Variants in CLEC20A observed in about 807,000 individuals in gnomAD.
CLEC20A encodes the protein putative C-type lectin domain family 20 member A.
At chr1:178,487,728 C>G (rs559170918) in intron 5 of CLEC20A, among the ~76,000 whole-genome samples, 23 of 152,320 alleles carry the variant, frequency 1.5e-4, no homozygotes, top group African/African-American at 4.1e-4. Flanking sequence ...TGTGCCTGGG[C>G]TAGCACAGGA....
chr1:178,489,507 G>T (rs553444741), intron 4 of CLEC20A, among the ~76,000 whole-genome samples: 2 of 152,214 alleles, frequency 1.3e-5, no homozygotes, highest in East Asian at 3.9e-4. Context: ...GCAGAAGGAC[G>T]CCCATCACAC....
chr1:178,482,573 TTAG>T (rs1443054114), intron 6 of CLEC20A, 176 bp from the exon 7 acceptor site: 4 of 392,838 alleles, frequency 1.0e-5, no homozygotes, highest in African/African-American at 8.2e-5. Flanking sequence ...GGTTAACCAA[TTAG>T]TGGCTGAAAA....
chr1:178,487,849 T>C (rs1284470538), intron 5 of CLEC20A, among the ~76,000 whole-genome samples: 1 of 152,234 alleles, frequency 6.6e-6, no homozygotes, highest in African/African-American at 2.4e-5. Flanking sequence ...TTGTGTGATA[T>C]AGGAATCTGT....
chr1:178,480,061 G>A (rs425120), intron 7 of CLEC20A: 3 of 148,184 alleles, frequency 2.0e-5, no homozygotes, highest in Admixed American at 1.4e-4. Flanking sequence ...CAGGGGGTAA[G>A]AAACACTAGT....
chr1:178,487,701 A>T (rs1649182450), intron 5 of CLEC20A, among the ~76,000 whole-genome samples: 1 of 152,156 alleles, frequency 6.6e-6, no homozygotes, highest in Non-Finnish European at 1.5e-5. Context: ...TGTGTCCCCA[A>T]AATCTTGCCT....
At chr1:178,485,901 G>A (rs1211762451) in intron 5 of CLEC20A, among the ~76,000 whole-genome samples, 3 of 152,188 alleles carry the variant, frequency 2.0e-5, no homozygotes, top group East Asian at 3.8e-4. Flanking sequence ...CATCTATTAA[G>A]GAGAGAGGTG....
At chr1:178,495,001 G>A (rs570936312) in intron 1 of CLEC20A, among the ~76,000 whole-genome samples, 191 bp from the exon 2 acceptor site, 3 of 152,196 alleles carry the variant, frequency 2.0e-5, no homozygotes, top group Admixed American at 6.5e-5. Context: ...TTCTTGAAGA[G>A]CCGGCCACCT....
exon 6 of CLEC20A, chr1:178,483,237 G>A (rs1329290205): frequency 2.5e-6 from 1 of 398,592 alleles, no homozygotes; most frequent in South Asian, 1.3e-4. Flanking sequence ...CTCCGTGGCA[G>A]CAGCTGTATC....
chr1:178,482,425 G>A (rs187243302), intron 6 of CLEC20A, 28 bp from the exon 7 acceptor site: 23 of 398,488 alleles, frequency 5.8e-5, no homozygotes, highest in Non-Finnish European at 8.4e-5. Flanking sequence ...ACCTGTTCAG[G>A]GGGATATTAT....
At chr1:178,489,728 C>G (rs1649229128) in intron 4 of CLEC20A, among the ~76,000 whole-genome samples, 1 of 152,218 alleles carries the variant, frequency 6.6e-6, no homozygotes, top group Non-Finnish European at 1.5e-5. Flanking sequence ...GAAAAGGAGG[C>G]TCCGAGATGC....
At chr1:178,488,854 A>C (rs1358092934) in intron 4 of CLEC20A, among the ~76,000 whole-genome samples, 7 of 152,170 alleles carry the variant, frequency 4.6e-5, no homozygotes, top group Non-Finnish European at 1.0e-4. Context: ...ATCAAATCCA[A>C]AACACAAAAA....
At chr1:178,491,079 T>A (rs1649255833) in intron 3 of CLEC20A, among the ~76,000 whole-genome samples, 1 of 152,198 alleles carries the variant, frequency 6.6e-6, no homozygotes, top group Admixed American at 6.5e-5. Flanking sequence ...CCTTGCCTTC[T>A]GGGGAGCCCA....
intron 7 of CLEC20A, chr1:178,480,763 CAG>C (rs1648949930): frequency 6.6e-6 from 1 of 151,266 alleles, no homozygotes; most frequent in Non-Finnish European, 1.5e-5. Flanking sequence ...GCCTGGGCGA[CAG>C]AGCAAGACTC....
At chr1:178,492,904 G>C (rs1224635160) in intron 2 of CLEC20A, among the ~76,000 whole-genome samples, 2 of 152,234 alleles carry the variant, frequency 1.3e-5, no homozygotes, top group African/African-American at 4.8e-5. Flanking sequence ...AATTCATGTG[G>C]CTGGGACAGG....
chr1:178,484,985 A>C (rs2101864187), intron 5 of CLEC20A, among the ~76,000 whole-genome samples: 1 of 152,312 alleles, frequency 6.6e-6, no homozygotes, highest in Admixed American at 6.5e-5. Flanking sequence ...CACCCAAAGC[A>C]TCATAAATTT....
rs572092328 is a variant in CLEC20A, at chr1:178,485,983, A to G, written c.928+2518T>C. Among the ~76,000 whole-genome samples, 6 of 152,344 alleles carry G rather than the reference A, an allele frequency of 3.9e-5. 1 individual carries two copies. In the South Asian group the frequency reaches 1.2e-3, roughly 32 times the overall value. Reference sequence around the variant, plus strand: ...AAATGGTAATAACTACCATTTATTGAGTGTCTGCCAGATGCCAGGCACTGA... The same window carrying G: ...AAATGGTAATAACTACCATTTATTGGGTGTCTGCCAGATGCCAGGCACTGA... On this transcript the variant is annotated intron_variant, in intron 5 of 7. Coordinates refer to ENST00000623247, the Ensembl canonical transcript of CLEC20A.
chr1:178,489,600 C>T (rs906197284), intron 4 of CLEC20A, among the ~76,000 whole-genome samples: 10 of 152,120 alleles, frequency 6.6e-5, no homozygotes, highest in African/African-American at 2.4e-4. Flanking sequence ...CACCGGGGCC[C>T]ACTCTGTGCC....
intron 2 of CLEC20A, 113 bp from the exon 3 acceptor site, chr1:178,492,679 T>C (rs1274593999): frequency 5.0e-6 from 2 of 397,818 alleles, no homozygotes; most frequent in Non-Finnish European, 8.9e-6. Context: ...GGCTGGTCCA[T>C]CCCTTTCCAC....
exon 8 of CLEC20A, chr1:178,479,408 A>T (rs1351708956): frequency 5.1e-6 from 2 of 391,396 alleles, no homozygotes; most frequent in Non-Finnish European, 9.0e-6. Flanking sequence ...TGTTAGTTGT[A>T]GGTCTGTGCT....
Sources: gnomAD v4.1 joint callset for allele counts (sites outside exome capture counted in the v4.1 genomes callset) on GRCh38, gnomAD v4.1.1 for gene constraint, MANE v1.5 for transcripts, NCBI Gene and HGNC (gene_info 2026-07-23, HGNC 2026-07-21) for gene names.